The following OPRM1 variants were observed in gnomAD, a reference collection of about 807,000 sequenced individuals.
OPRM1 encodes the protein opioid receptor mu 1, also known as mu-type opioid receptor.
OPRM1 carries 27 observed loss-of-function variants against 31.8 expected under a neutral mutation model. That is an observed-to-expected ratio of 0.85 (90% CI 0.63 to 1.17). The LOEUF (loss-of-function observed/expected upper bound fraction) is 1.17, where lower values mean the gene tolerates loss of function less well. OPRM1 is among the 50% of genes most tolerant of loss of function. OPRM1 has a pLI of 0.00. For synonymous variants in OPRM1, 196 were observed against 189.9 expected, an observed-to-expected ratio of 1.03 and a Z score of -0.26; for missense variants, 536 against 511.1, an observed-to-expected ratio of 1.05 and a Z score of -0.47.
At chr6:154,179,327 T>A (rs894972618) in intron 3 of OPRM1, among the ~76,000 whole-genome samples, 33 of 152,338 alleles carry the variant, frequency 2.2e-4, no homozygotes, top group African/African-American at 7.2e-4. Context: ...AGCAGTATTT[T>A]AAAAATTTCC....
intron 3 of OPRM1, among the ~76,000 whole-genome samples, chr6:154,216,405 T>C (rs1278476335): frequency 6.6e-6 from 1 of 152,014 alleles, no homozygotes. Context: ...AATTTCCAAA[T>C]TTGTAATGGA....
At chr6:154,067,360 A>G (rs1272405320) in intron 1 of OPRM1, among the ~76,000 whole-genome samples, 1 of 151,690 alleles carries the variant, frequency 6.6e-6, no homozygotes, top group Non-Finnish European at 1.5e-5. Flanking sequence ...ATTTTCATTT[A>G]TCTCTAAGTA....
At chr6:154,244,293 T>TGTGG (rs1460025389) in intron 3 of OPRM1, among the ~76,000 whole-genome samples, 26 of 74,784 alleles carry the variant, frequency 3.5e-4, no homozygotes, top group Admixed American at 8.4e-4. Flanking sequence ...TCGGTGTGTG[T>TGTGG]GTGGGTGGGT....
intron 3 of OPRM1, among the ~76,000 whole-genome samples, chr6:154,165,585 C>T (rs904238896): frequency 6.6e-6 from 1 of 152,214 alleles, no homozygotes; most frequent in African/African-American, 2.4e-5. Flanking sequence ...GGAAAGGGCT[C>T]CTTCTCACAA....
At chr6:154,112,181 A>G (rs1796435683) in intron 3 of OPRM1, among the ~76,000 whole-genome samples, 1 of 152,226 alleles carries the variant, frequency 6.6e-6, no homozygotes, top group Non-Finnish European at 1.5e-5. Flanking sequence ...CAAATGTCAA[A>G]TCTACTAACT....
rs1798549163 is a variant in OPRM1, at chr6:154,152,352, G to GAAAGAA, written c.1164+60882_1164+60887dup. ...GAAAGAAAGAAAGAAAGAAAGGAAA[G>GAAAGAA]AAAGAAAGAAAGAAAGAAAGAAAGA... On this transcript the variant is annotated intron_variant, in intron 3 of 3. Transcript: ENST00000337049. Among the ~76,000 whole-genome samples, 12 of 140,918 alleles carry GAAAGAA rather than the reference G, an allele frequency of 8.5e-5. No individual in the cohort carries two copies. The South Asian group carries it at 2.7e-3, about 32-fold the overall frequency. The allele number at this position is 140,918 out of a possible 152,430, so 92.4% of individuals were successfully genotyped here.
chr6:154,096,974 A>G (rs1385391286), intron 3 of OPRM1, among the ~76,000 whole-genome samples: 1 of 152,254 alleles, frequency 6.6e-6, no homozygotes, highest in African/African-American at 2.4e-5. Context: ...CTGTACCTTC[A>G]TCTCCAAAGT....
intron 1 of OPRM1, among the ~76,000 whole-genome samples, chr6:154,059,189 C>T (rs898292649): frequency 1.3e-5 from 2 of 152,182 alleles, no homozygotes; most frequent in Non-Finnish European, 2.9e-5. Flanking sequence ...ATGCCTGTCT[C>T]CTTGCAAGTC....
chr6:154,087,213 T>A, intron 1 of OPRM1: 1 of 985,410 alleles, frequency 1.0e-6, no homozygotes, highest in African/African-American at 1.7e-5. Flanking sequence ...AGATCAGGTA[T>A]CAGAATTTTA....
chr6:154,190,514 G>A (rs1413990386), intron 3 of OPRM1, among the ~76,000 whole-genome samples: 1 of 152,090 alleles, frequency 6.6e-6, no homozygotes, highest in Admixed American at 6.6e-5. Context: ...AACACCAAAC[G>A]TTGGCAAGGA....
intron 1 of OPRM1, among the ~76,000 whole-genome samples, chr6:154,043,448 A>C (rs1171829662): frequency 6.6e-6 from 1 of 151,984 alleles, no homozygotes; most frequent in Non-Finnish European, 1.5e-5. Context: ...ACAGAAGTAT[A>C]AGCTTTTAAA....
In OPRM1 at chr6:154,039,795, G is replaced by C. The variant is rs1314769285; in HGVS notation, c.251G>C (p.Gly84Ala). The C allele has an allele frequency of 6.3e-7, 1 of 1,597,890 alleles. No homozygotes were observed. The highest frequency in any genetic ancestry group is 2.2e-5 in the East Asian group (1 of 44,792). The stretch of plus-strand genomic sequence containing the variant: ...CTCTACTCCATCGTGTGCGTGGTGG[G>C]GCTCTTCGGAAACTTCCTGGTCATG... The part of the protein sequence containing the change: ...MALYSIVCVV[G>A]LFGNFLVMYV... The change falls in exon 1 of 4, where the codon GGG (glycine) becomes GCG (alanine). Residue 84 changes from glycine (G) to alanine (A), a missense_variant. By Grantham distance (60) the Gly-to-Ala change is moderately conservative. Transcript: ENST00000330432.
rs969870657 is a variant in OPRM1, at chr6:154,121,273, C to T, written c.*2552C>T. On this transcript the variant is annotated 3_prime_UTR_variant, in exon 4 of 4. Coordinates refer to ENST00000330432, the MANE Select transcript of OPRM1 (RefSeq NM_000914.5). The stretch of plus-strand genomic sequence containing the variant: ...TGTGGAAATTCTAGCTTATTGTGTT[C>T]CAAGTAGTTAGTGGTTTTTCTCCTT... Among the ~76,000 whole-genome samples, 8 of 152,086 alleles carry T rather than the reference C, an allele frequency of 5.3e-5. No individual in the cohort carries two copies. Among genetic ancestry groups the T allele is most frequent in the African/African-American group, 1.9e-4 (8 of 41,404 alleles).
intron 3 of OPRM1, among the ~76,000 whole-genome samples, chr6:154,149,169 G>A (rs529266978): frequency 1.9e-4 from 29 of 152,288 alleles, no homozygotes; most frequent in Admixed American, 2.6e-4. Flanking sequence ...TTGACTCACA[G>A]TTCCACGTGG....
At chr6:154,229,416 C>A (rs1317473162) in intron 3 of OPRM1, among the ~76,000 whole-genome samples, 3 of 137,548 alleles carry the variant, frequency 2.2e-5, no homozygotes, top group Non-Finnish European at 4.5e-5. Flanking sequence ...GTGGCGCGAT[C>A]TTGGCTTACT....
intron 1 of OPRM1, among the ~76,000 whole-genome samples, chr6:154,081,889 G>T (rs943527507): frequency 6.6e-6 from 1 of 152,048 alleles, no homozygotes; most frequent in African/African-American, 2.4e-5. Flanking sequence ...TCAAGCAAAG[G>T]TGCCTCTTTG....
At chr6:154,186,564 CT>C (rs144402482) in intron 3 of OPRM1, among the ~76,000 whole-genome samples, 36 of 149,290 alleles carry the variant, frequency 2.4e-4, no homozygotes, top group Non-Finnish European at 1.9e-4. Flanking sequence ...CTTTTTTTCT[CT>C]TTTTTTTTTG....
upstream of OPRM1, among the ~76,000 whole-genome samples, chr6:154,036,153 G>A (rs1050161607): frequency 6.6e-6 from 1 of 151,910 alleles, no homozygotes; most frequent in African/African-American, 2.4e-5. Flanking sequence ...TTGAAATTGA[G>A]GTGCTTTTAT....
downstream of OPRM1, among the ~76,000 whole-genome samples, chr6:154,136,542 G>A (rs1320797896): frequency 6.6e-6 from 1 of 152,086 alleles, no homozygotes; most frequent in Non-Finnish European, 1.5e-5. Context: ...CACCTGAGGG[G>A]CCCTCTCTAG....
Sources: allele counts gnomAD v4.1 joint callset (sites outside exome capture counted in the v4.1 genomes callset), GRCh38; gene constraint gnomAD v4.1.1; transcripts MANE v1.5; gene names NCBI Gene and HGNC (gene_info 2026-07-23, HGNC 2026-07-21).